Variants in SLC25A26 observed in about 807,000 individuals in gnomAD.
The protein encoded by SLC25A26 is mitochondrial S-adenosylmethionine carrier protein.
In SLC25A26, 36 loss-of-function variants were observed where a neutral mutation model predicts 37.8. The ratio of observed to expected loss-of-function variants is 0.95; its 90% CI spans 0.73 to 1.26. The LOEUF (loss-of-function observed/expected upper bound fraction) is 1.26, where lower values mean the gene tolerates loss of function less well. SLC25A26 is among the 50% of genes most tolerant of loss of function. SLC25A26 has a pLI of 0.00. For synonymous variants in SLC25A26, 129 were observed against 122.5 expected, an observed-to-expected ratio of 1.05 and a Z score of -0.35; for missense variants, 390 against 331.1, an observed-to-expected ratio of 1.18 and a Z score of -1.38.
rs199773321 is a variant in SLC25A26, at chr3:66,222,923, G to GGT, written c.33+1797_33+1798dup. Among the ~76,000 whole-genome samples, 1,458 of 152,070 alleles carry GGT rather than the reference G, an allele frequency of 9.6e-3. 21 individuals carry two copies. Among genetic ancestry groups the GGT allele is most frequent in the African/African-American group, 0.033 (1,364 of 41,480 alleles). On this transcript the variant is annotated intron_variant, in intron 1 of 9. Transcript: ENST00000354883. Reference sequence around the variant, plus strand: ...CTTTTTTCCCAATGTATTTATAGAGGGTAAAATTAGAATCAATAGGTGGAA... The same window carrying GGT: ...CTTTTTTCCCAATGTATTTATAGAGGGTGTAAAATTAGAATCAATAGGTGGAA...
chr3:66,157,920 A>T (rs999636205), intron 1 of SLC25A26, among the ~76,000 whole-genome samples: 1 of 152,226 alleles, frequency 6.6e-6, no homozygotes, highest in East Asian at 1.9e-4. Flanking sequence ...CTCTGATTTC[A>T]GGTCAAATGC....
At chr3:66,155,425 A>C (rs1235977718) in intron 1 of SLC25A26, among the ~76,000 whole-genome samples, 1 of 152,180 alleles carries the variant, frequency 6.6e-6, no homozygotes, top group East Asian at 1.9e-4. Context: ...AGGCAGAAGG[A>C]TCACTTGAGC....
intron 1 of SLC25A26, among the ~76,000 whole-genome samples, chr3:66,145,880 A>G (rs2070107629): frequency 6.9e-6 from 1 of 145,720 alleles, no homozygotes; most frequent in Non-Finnish European, 1.5e-5. Flanking sequence ...TTATTTTGTA[A>G]TTGTTTTGAA....
intron 5 of SLC25A26, among the ~76,000 whole-genome samples, chr3:66,315,890 G>A (rs1409965989): frequency 6.6e-6 from 1 of 152,006 alleles, no homozygotes; most frequent in South Asian, 2.1e-4. Flanking sequence ...CTTTTTTAAT[G>A]TTTGTTGGTT....
intron 3 of SLC25A26, among the ~76,000 whole-genome samples, chr3:66,260,608 A>G (rs1007887416): frequency 7.9e-5 from 12 of 152,218 alleles, no homozygotes; most frequent in Non-Finnish European, 1.5e-4. Flanking sequence ...ACTTCATGAC[A>G]TCTAAAATCA....
chr3:66,334,282 A>G (rs1336097927), intron 5 of SLC25A26, among the ~76,000 whole-genome samples: 1 of 152,100 alleles, frequency 6.6e-6, no homozygotes, highest in African/African-American at 2.4e-5. Context: ...GAGTGGATGT[A>G]TATCAGTTCT....
intron 1 of SLC25A26, among the ~76,000 whole-genome samples, chr3:66,137,315 C>A (rs2069962138): frequency 1.3e-5 from 2 of 151,426 alleles, no homozygotes; most frequent in African/African-American, 4.9e-5. Context: ...CAACCTCTGC[C>A]TCCCAGGTTC....
At chr3:66,250,265 G>T (rs1424529790) in intron 3 of SLC25A26, among the ~76,000 whole-genome samples, 1 of 152,168 alleles carries the variant, frequency 6.6e-6, no homozygotes, top group Non-Finnish European at 1.5e-5. Flanking sequence ...TGTGGATTTA[G>T]ATCTGAAGTT....
chr3:66,356,072 G>T (rs2076569061), intron 6 of SLC25A26: 1 of 456,280 alleles, frequency 2.2e-6, no homozygotes, highest in South Asian at 1.5e-5. Flanking sequence ...AGCAGCTAAA[G>T]AAGTCCCAAG....
At chr3:66,355,388 C>G (rs527749429) in intron 6 of SLC25A26, among the ~76,000 whole-genome samples, 1 of 152,122 alleles carries the variant, frequency 6.6e-6, no homozygotes, top group South Asian at 2.1e-4. Context: ...CATCCCAGAA[C>G]AGTTTCAGTC....
chr3:66,168,702 A>T (rs1273523550), intron 1 of SLC25A26, among the ~76,000 whole-genome samples: 1 of 152,178 alleles, frequency 6.6e-6, no homozygotes, highest in African/African-American at 2.4e-5. Flanking sequence ...GATCTAAAAG[A>T]TGGGTGCATG....
intron 5 of SLC25A26, among the ~76,000 whole-genome samples, chr3:66,316,068 G>A (rs910586164): frequency 2.0e-5 from 3 of 152,166 alleles, no homozygotes; most frequent in African/African-American, 7.2e-5. Flanking sequence ...CTTTACTCCA[G>A]TTTGCCATTC....
chr3:66,273,063 G>A (rs1351723819), intron 5 of SLC25A26, among the ~76,000 whole-genome samples: 2 of 152,120 alleles, frequency 1.3e-5, no homozygotes, highest in Admixed American at 1.3e-4. Flanking sequence ...TGTGGTTTTT[G>A]TCTTTGGTTC....
chr3:66,367,983 T>C lies in SLC25A26; in HGVS notation c.569-1495T>C, dbSNP rs182279161. Among the ~76,000 whole-genome samples the C allele has an allele frequency of 5.3e-5, 8 of 152,288 alleles. No individual in the cohort carries two copies. The East Asian group carries it at 1.5e-3, about 29-fold the overall frequency. On this transcript the variant is annotated intron_variant, in intron 7 of 9. Transcript: ENST00000354883. ...TCAGTTGATAGTATTACCCCTAAGG[T>C]GTGTGACATTCAGGGGTAACCAGAA...
At chr3:66,364,653 C>T (rs2107815363) in intron 7 of SLC25A26, among the ~76,000 whole-genome samples, 1 of 152,292 alleles carries the variant, frequency 6.6e-6, no homozygotes, top group South Asian at 2.1e-4. Context: ...ACTCTGTACT[C>T]TGCAAAACCG....
chr3:66,271,955 T>C (rs2073975700), intron 5 of SLC25A26, among the ~76,000 whole-genome samples: 1 of 152,166 alleles, frequency 6.6e-6, no homozygotes, highest in Non-Finnish European at 1.5e-5. Context: ...CTCACTGAAA[T>C]TGAAGACATG....
intron 9 of SLC25A26, among the ~76,000 whole-genome samples, chr3:66,374,349 C>G (rs893404704): frequency 6.6e-6 from 1 of 152,134 alleles, no homozygotes; most frequent in Non-Finnish European, 1.5e-5. Context: ...GATCTGTGAT[C>G]AGCCGTCTTC....
intron 1 of SLC25A26, among the ~76,000 whole-genome samples, chr3:66,158,631 G>A (rs1444475317): frequency 6.6e-6 from 1 of 152,064 alleles, no homozygotes; most frequent in East Asian, 1.9e-4. Context: ...CCCTCTTTTT[G>A]GTTATGGGCT....
chr3:66,295,405 G>GTTTT (rs10672736), intron 5 of SLC25A26, among the ~76,000 whole-genome samples: 1 of 120,974 alleles, frequency 8.3e-6, no homozygotes, highest in Admixed American at 8.5e-5. Context: ...TTGTATTTTT[G>GTTTT]TTTTTTTTTT....
Sources: gnomAD v4.1 joint callset for allele counts (sites outside exome capture counted in the v4.1 genomes callset) on GRCh38, gnomAD v4.1.1 for gene constraint, MANE v1.5 for transcripts, NCBI Gene and HGNC (gene_info 2026-07-23, HGNC 2026-07-21) for gene names.